SRGAP2C: variants seen among roughly 807,000 people sequenced by gnomAD.
The protein encoded by SRGAP2C is SLIT-ROBO Rho GTPase-activating protein 2C.
In SRGAP2C, 15 loss-of-function variants were observed where a neutral mutation model predicts 25.1. That is an observed-to-expected ratio of 0.60 (90% confidence interval 0.40 to 0.92). The LOEUF (loss-of-function observed/expected upper bound fraction) is 0.92, where lower values mean the gene tolerates loss of function less well. SRGAP2C is among the 40% of genes least tolerant of loss of function. The pLI is 0.00. For missense variants in SRGAP2C, 144 were observed against 264.4 expected, an observed-to-expected ratio of 0.54 and a Z score of 3.16; for synonymous variants, 44 against 96.6, an observed-to-expected ratio of 0.46 and a Z score of 3.19.
At chr1:121,359,648 G>T (rs188111397) in intron 4 of SRGAP2C, among the ~76,000 whole-genome samples, 9 of 152,124 alleles carry the variant, frequency 5.9e-5, no homozygotes, top group Admixed American at 3.3e-4. Flanking sequence ...CACATCTGTC[G>T]TCCCAGCTAC....
chr1:121,361,685 C>G (rs1395015205), intron 4 of SRGAP2C: 2 of 151,850 alleles, frequency 1.3e-5, no homozygotes, highest in African/African-American at 2.4e-5. Flanking sequence ...AATAAGAGAT[C>G]CCAGCCTGAG....
intron 2 of SRGAP2C, among the ~76,000 whole-genome samples, chr1:121,278,048 C>G (rs1373463289): frequency 6.7e-6 from 1 of 150,180 alleles, no homozygotes; most frequent in Non-Finnish European, 1.5e-5. Context: ...TCAAGCAAGC[C>G]TCCCACCTCA....
chr1:121,222,810 G>C (rs1244645530), intron 2 of SRGAP2C, among the ~76,000 whole-genome samples: 1 of 151,796 alleles, frequency 6.6e-6, no homozygotes, highest in Non-Finnish European at 1.5e-5. Flanking sequence ...TACCTCTGCT[G>C]GTTATACCAG....
In SRGAP2C at chr1:121,391,054, A is replaced by G. The variant is rs1345856693; in HGVS notation, c.*3199A>G. On this transcript the variant is annotated 3_prime_UTR_variant, in exon 10 of 10. Transcript: ENST00000367123. ...AGACTCTGCCTAAAAAAAAAAAAAGAAAGATTAAAAAATAAATAAATCTGC... is the reference window on the plus strand; with the variant it reads ...AGACTCTGCCTAAAAAAAAAAAAAGGAAGATTAAAAAATAAATAAATCTGC... 2.2e-5 allele frequency: 3 copies of G among 134,184 alleles called. No individual in the cohort carries two copies. The highest frequency in any genetic ancestry group is 2.4e-4 in the East Asian group (1 of 4,224). The allele number at this position is 134,184 out of a possible 1,614,324, so 8.3% of individuals were successfully genotyped here. A position where few individuals can be genotyped will look rare whatever the true frequency, so the allele number is the denominator to read the frequency against.
intron 2 of SRGAP2C, among the ~76,000 whole-genome samples, chr1:121,198,860 T>C (rs1194136252): frequency 6.6e-6 from 1 of 151,284 alleles, no homozygotes; most frequent in Non-Finnish European, 1.5e-5. Flanking sequence ...GGCAGAATGA[T>C]CCTAAGGGAA....
intron 4 of SRGAP2C, among the ~76,000 whole-genome samples, chr1:121,338,602 G>T (rs1658575093): frequency 2.6e-5 from 3 of 116,650 alleles, no homozygotes; most frequent in Admixed American, 1.9e-4. Flanking sequence ...CAAATCATTT[G>T]GGTCTACATC....
chr1:121,282,717 G>A (rs1235694581), intron 2 of SRGAP2C, among the ~76,000 whole-genome samples: 1 of 90,026 alleles, frequency 1.1e-5, no homozygotes, highest in Non-Finnish European at 2.5e-5. Flanking sequence ...ACCATGCCTG[G>A]CTAATTTTTT....
chr1:121,264,939 A>G (rs1476699704), intron 2 of SRGAP2C, among the ~76,000 whole-genome samples: 2 of 120,386 alleles, frequency 1.7e-5, no homozygotes, highest in African/African-American at 3.3e-5. Context: ...GCTCACGCCC[A>G]TAATCCCAGC....
chr1:121,268,008 G>A (rs1480427075), intron 2 of SRGAP2C, among the ~76,000 whole-genome samples: 1 of 148,496 alleles, frequency 6.7e-6, no homozygotes, highest in Non-Finnish European at 1.5e-5. Flanking sequence ...TTCATTCAAT[G>A]TGCCTTTATT....
chr1:121,238,767 C>A (rs1252934453), intron 2 of SRGAP2C, among the ~76,000 whole-genome samples: 101 of 147,332 alleles, frequency 6.9e-4, no homozygotes, highest in African/African-American at 2.2e-3. Flanking sequence ...TTGTGCACCA[C>A]TACACACTGC....
At chr1:121,195,815 A>T (rs1553320520) in intron 2 of SRGAP2C, among the ~76,000 whole-genome samples, 1 of 119,238 alleles carries the variant, frequency 8.4e-6, no homozygotes, top group East Asian at 2.3e-4. Context: ...TATATAGATT[A>T]TTCCATAATC....
intron 2 of SRGAP2C, among the ~76,000 whole-genome samples, chr1:121,277,474 C>T (rs1478083868): frequency 2.9e-4 from 44 of 150,436 alleles, no homozygotes; most frequent in Non-Finnish European, 2.5e-4. Context: ...CTCAGACTTC[C>T]GGCTTCAAGC....
chr1:121,366,760 A>G (rs1293270275), intron 5 of SRGAP2C, among the ~76,000 whole-genome samples: 1 of 151,250 alleles, frequency 6.6e-6, no homozygotes, highest in Non-Finnish European at 1.5e-5. Flanking sequence ...AAATTCTTTT[A>G]TTTTCCTGTA....
chr1:121,372,313 G>A (rs1321659411), intron 5 of SRGAP2C, among the ~76,000 whole-genome samples: 3 of 152,064 alleles, frequency 2.0e-5, no homozygotes, highest in Admixed American at 6.5e-5. Flanking sequence ...ATTGACATTT[G>A]GGCCAGATAA....
chr1:121,372,900 CACACAT>C lies in SRGAP2C; in HGVS notation c.487-1070_487-1065del, dbSNP rs200301408. Reference sequence around the variant, plus strand: ...ACATGCACACACACACACACACACACACACATGCACACACACACCCAACTTCTACTC... The same window carrying C: ...ACATGCACACACACACACACACACACGCACACACACACCCAACTTCTACTC... On this transcript the variant is annotated intron_variant, in intron 5 of 9. Transcript: ENST00000367123. Among the ~76,000 whole-genome samples the C allele has an allele frequency of 4.4e-3, 277 of 63,418 alleles. 10 individuals are homozygous for C. The highest frequency in any genetic ancestry group is 0.021 in the East Asian group (30 of 1,404). The allele number at this position is 63,418 out of a possible 152,430, so 41.6% of individuals were successfully genotyped here.
intron 2 of SRGAP2C, among the ~76,000 whole-genome samples, chr1:121,189,765 A>AATAATG (rs1304021198): frequency 9.6e-6 from 1 of 104,200 alleles, no homozygotes; most frequent in African/African-American, 4.1e-5. Context: ...TAATAATAGT[A>AATAATG]ATAATGATAA....
intron 3 of SRGAP2C, among the ~76,000 whole-genome samples, chr1:121,314,453 G>C (rs1274692185): frequency 0.045 from 6,905 of 152,238 alleles, 540 homozygotes; most frequent in African/African-American, 0.16. Flanking sequence ...ATCCATCTTT[G>C]TTCCGTTACT....
In SRGAP2C at chr1:121,275,022, C is replaced by T. The variant is rs587630411; in HGVS notation, c.68-9781C>T. Among the ~76,000 whole-genome samples the T allele has an allele frequency of 2.5e-4, 38 of 149,538 alleles. 1 individual carries two copies. The South Asian group carries it at 7.8e-3, about 31-fold the overall frequency. On this transcript the variant is annotated intron_variant, in intron 2 of 9. Transcript: ENST00000367123. Reference sequence around the variant, plus strand: ...AACTACAGCCCTTCATCTGTCATCCCCCTCGCTTCTGTTTAAATCCCCCCC... The same window carrying T: ...AACTACAGCCCTTCATCTGTCATCCTCCTCGCTTCTGTTTAAATCCCCCCC...
At position 121,282,527 on chromosome 1, in the gene SRGAP2C, C is replaced by CT. The variant is rs1451346698; in HGVS notation, c.68-2273dup. ...GTTACTGATTCAGTACCTGGAAAGC[C>CT]TTTCCACCCTAAAAACGCCTTGGTT... On this transcript the variant is annotated intron_variant, in intron 2 of 9. Coordinates refer to ENST00000367123, the MANE Select transcript of SRGAP2C (RefSeq NM_001329984.2). Among the ~76,000 whole-genome samples, 3 of 151,024 alleles carry CT rather than the reference C, an allele frequency of 2.0e-5. 1 individual carries two copies. Among genetic ancestry groups the CT allele is most frequent in the Non-Finnish European group, 4.4e-5 (3 of 67,560 alleles).
Sources: allele counts gnomAD v4.1 joint callset (sites outside exome capture counted in the v4.1 genomes callset), GRCh38; gene constraint gnomAD v4.1.1; transcripts MANE v1.5; gene names NCBI Gene and HGNC (gene_info 2026-07-23, HGNC 2026-07-21).